The following MIB1 variants were observed in gnomAD, a reference collection of about 807,000 sequenced individuals.
MIB1 encodes E3 ubiquitin-protein ligase MIB1.
Under a neutral mutation model 124.5 loss-of-function variants are expected in MIB1, and 278 were observed. The observed-to-expected ratio is 2.23, with a 90% confidence interval of 2.02 to 2.47. MIB1 has a LOEUF of 2.47. Ranked by LOEUF, MIB1 falls within the 30% of genes most tolerant of loss-of-function variation. MIB1 has a pLI of 0.00. For missense variants in MIB1, 957 were observed against 1,254.4 expected (o/e 0.76, Z 3.58); for synonymous variants, 446 against 429.4 (o/e 1.04, Z -0.48).
intron 11 of MIB1, 29 bp downstream of exon 11, chr18:21,815,842 A>G (rs1215592337): frequency 2.5e-6 from 4 of 1,577,228 alleles, no homozygotes; most frequent in South Asian, 2.2e-5. Context: ...CACATCCTGC[A>G]GGTATTGCTA....
chr18:21,817,935 C>G, intron 11 of MIB1: 1 of 172,900 alleles, frequency 5.8e-6, no homozygotes, highest in African/African-American at 2.4e-5. Flanking sequence ...AGAATAGCAT[C>G]TGTTCAACTA....
intron 6 of MIB1, among the ~76,000 whole-genome samples, chr18:21,786,104 GT>G (rs914144856): frequency 2.4e-4 from 35 of 146,836 alleles, no homozygotes; most frequent in African/African-American, 7.2e-4. Context: ...TTGTTTTTCT[GT>G]TTTTTTTTTG....
At chr18:21,852,010 G>A (rs2042184615) in intron 17 of MIB1, among the ~76,000 whole-genome samples, 1 of 152,224 alleles carries the variant, frequency 6.6e-6, no homozygotes, top group Non-Finnish European at 1.5e-5. Context: ...ATAGAAAGGA[G>A]AAGATAATTA....
chr18:21,761,752 C>T (rs913630797), intron 1 of MIB1, among the ~76,000 whole-genome samples: 7 of 152,202 alleles, frequency 4.6e-5, no homozygotes, highest in African/African-American at 1.7e-4. Flanking sequence ...TGTCTTTCCC[C>T]TCAGGATTCA....
intron 1 of MIB1, among the ~76,000 whole-genome samples, chr18:21,728,124 C>G (rs1227664138): frequency 6.6e-6 from 1 of 152,192 alleles, no homozygotes; most frequent in Non-Finnish European, 1.5e-5. Context: ...AACTACCCAC[C>G]ACCCCCAACC....
rs75802716 is a variant in MIB1 at position 21,795,722 on chromosome 18, G to C, written c.1093-2362G>C. Among the ~76,000 whole-genome samples the C allele has an allele frequency of 3.6e-3, 541 of 152,194 alleles. 3 individuals carry two copies. Among genetic ancestry groups the C allele is most frequent in the Non-Finnish European group, 5.7e-3 (387 of 67,982 alleles). ...TAACCATGTAGAGAGAAAATTCCAAGTAATTTTTTAAACACAGTTAATTTT... is the reference window on the plus strand; with the variant it reads ...TAACCATGTAGAGAGAAAATTCCAACTAATTTTTTAAACACAGTTAATTTT... On this transcript the variant is annotated intron_variant, in intron 7 of 20. Coordinates refer to ENST00000261537, the MANE Select transcript of MIB1 (RefSeq NM_020774.4).
intron 1 of MIB1, among the ~76,000 whole-genome samples, chr18:21,733,448 A>G (rs896336861): frequency 1.8e-4 from 28 of 152,156 alleles, no homozygotes; most frequent in Non-Finnish European, 1.5e-5. Context: ...TTTTAAACAG[A>G]CTGGATCTTA....
intron 1 of MIB1, among the ~76,000 whole-genome samples, chr18:21,743,202 ACT>A (rs1185043920): frequency 6.6e-6 from 1 of 152,182 alleles, no homozygotes; most frequent in Non-Finnish European, 1.5e-5. Flanking sequence ...CTTGCAGAAT[ACT>A]CTATTGCATG....
At chr18:21,751,185 G>A (rs2040970876) in intron 1 of MIB1, among the ~76,000 whole-genome samples, 1 of 151,944 alleles carries the variant, frequency 6.6e-6, no homozygotes, top group Non-Finnish European at 1.5e-5. Flanking sequence ...CTGGGTGACA[G>A]AATGAGACCC....
chr18:21,752,284 A>G (rs1344291755), intron 1 of MIB1, among the ~76,000 whole-genome samples: 1 of 152,190 alleles, frequency 6.6e-6, no homozygotes, highest in Non-Finnish European at 1.5e-5. Context: ...CTCAACTATC[A>G]TATAATAGTA....
At chr18:21,709,486 T>G (rs1426855705) in intron 1 of MIB1, among the ~76,000 whole-genome samples, 1 of 152,208 alleles carries the variant, frequency 6.6e-6, no homozygotes, top group East Asian at 1.9e-4. Flanking sequence ...TTACCACTTC[T>G]GCCCCCTCAC....
upstream of MIB1, among the ~76,000 whole-genome samples, chr18:21,740,735 G>C (rs1031219916): frequency 6.6e-6 from 1 of 152,254 alleles, no homozygotes; most frequent in Non-Finnish European, 1.5e-5. Context: ...CCATCGCCCG[G>C]GGCTGGGGTT....
intron 1 of MIB1, among the ~76,000 whole-genome samples, chr18:21,717,020 T>C (rs534211173): frequency 1.3e-5 from 2 of 152,116 alleles, no homozygotes; most frequent in Non-Finnish European, 2.9e-5. Context: ...TATAAGGCCA[T>C]AGTCACCAAA....
intron 10 of MIB1, among the ~76,000 whole-genome samples, chr18:21,812,204 G>A (rs1275164170): frequency 6.6e-6 from 1 of 152,164 alleles, no homozygotes; most frequent in East Asian, 1.9e-4. Flanking sequence ...GAGCACTCCA[G>A]GTCTAGGGAG....
chr18:21,778,054 C>T, intron 4 of MIB1, 49 bp from the exon 5 acceptor site: 1 of 1,247,016 alleles, frequency 8.0e-7, no homozygotes, highest in African/African-American at 1.5e-5. Flanking sequence ...AGATACTGAG[C>T]CATATTTGAA....
chr18:21,808,453 C>G (rs374608390), intron 10 of MIB1, among the ~76,000 whole-genome samples: 97 of 152,308 alleles, frequency 6.4e-4, no homozygotes, highest in Non-Finnish European at 1.0e-3. Flanking sequence ...AAAATATTTA[C>G]TTTCTGGCCC....
chr18:21,781,413 A>G (rs1232533850), intron 6 of MIB1, among the ~76,000 whole-genome samples: 3 of 95,318 alleles, frequency 3.1e-5, no homozygotes, highest in Non-Finnish European at 6.0e-5. Flanking sequence ...ATATATATAT[A>G]TAAAATTATT....
intron 10 of MIB1, among the ~76,000 whole-genome samples, chr18:21,807,537 A>T (rs1481877524): frequency 6.6e-6 from 1 of 152,238 alleles, no homozygotes; most frequent in Non-Finnish European, 1.5e-5. Context: ...AGTTTGTTTA[A>T]TACATTGGTT....
chr18:21,764,738 AC>A (rs753717885), intron 1 of MIB1, among the ~76,000 whole-genome samples: 16 of 149,418 alleles, frequency 1.1e-4, no homozygotes, highest in South Asian at 4.3e-4. Flanking sequence ...GAAAAAAAAA[AC>A]AAAACAAAAC....
Sources: allele counts gnomAD v4.1 joint callset (sites outside exome capture counted in the v4.1 genomes callset), GRCh38; gene constraint gnomAD v4.1.1; transcripts MANE v1.5; gene names NCBI Gene and HGNC (gene_info 2026-07-23, HGNC 2026-07-21).